NKAIN3: variants seen among roughly 807,000 people sequenced by gnomAD.
NKAIN3 encodes the protein sodium/potassium transporting ATPase interacting 3.
Under a neutral mutation model 30.2 loss-of-function variants are expected in NKAIN3, and 25 were observed. That is an observed-to-expected ratio of 0.83 (90% CI 0.60 to 1.16). The LOEUF is 1.16. NKAIN3 is among the 50% of genes most tolerant of loss of function. The probability of loss-of-function intolerance (pLI) is 0.00; values close to 1 mark genes in which losing one functional copy is unlikely to be tolerated. For missense variants in NKAIN3, 225 were observed against 254.1 expected (o/e 0.89, Z 0.78); for synonymous variants, 91 against 89.6 (o/e 1.02, Z -0.09).
intron 4 of NKAIN3, among the ~76,000 whole-genome samples, chr8:62,765,843 C>T (rs1437337192): frequency 2.0e-5 from 3 of 151,708 alleles, no homozygotes; most frequent in Non-Finnish European, 1.5e-5. Context: ...TTTTATATTC[C>T]ACTTCAGTAC....
intron 1 of NKAIN3, among the ~76,000 whole-genome samples, chr8:62,353,744 G>A (rs752042595): frequency 1.2e-4 from 18 of 152,022 alleles, no homozygotes; most frequent in Non-Finnish European, 2.2e-4. Flanking sequence ...AGAATTTTTT[G>A]TCAAATGTGA....
intron 4 of NKAIN3, among the ~76,000 whole-genome samples, chr8:62,890,325 C>A (rs1821265042): frequency 6.6e-6 from 1 of 152,174 alleles, no homozygotes; most frequent in South Asian, 2.1e-4. Flanking sequence ...ATAGCTCTGT[C>A]TTTGTTTGTA....
In NKAIN3 at chr8:62,927,564, A is replaced by T. The variant is rs75552585; in HGVS notation, c.532+9051A>T. ...CACTGATTTGATCTTTGCAAATTAT[A>T]GGCATGTATTAAATTATCACATGTG... On this transcript the variant is annotated intron_variant, in intron 5 of 6. Transcript: ENST00000623646. Among the ~76,000 whole-genome samples the T allele has an allele frequency of 4.9e-3, 748 of 152,324 alleles. 9 individuals carry two copies. Among genetic ancestry groups the T allele is most frequent in the African/African-American group, 0.015 (635 of 41,574 alleles).
At chr8:62,616,417 T>C (rs1338259381) in intron 3 of NKAIN3, among the ~76,000 whole-genome samples, 1 of 152,122 alleles carries the variant, frequency 6.6e-6, no homozygotes, top group Admixed American at 6.5e-5. Context: ...AGCACTTTGC[T>C]AAAGATTACT....
rs1317282077 is a variant in NKAIN3, at chr8:62,729,040, C to CAAAAAAAAAAAAAAAAAAA, written c.274-17880_274-17879insAAAAAAAAAAAAAAAAAAA. Among the ~76,000 whole-genome samples, 12 of 61,186 alleles carry CAAAAAAAAAAAAAAAAAAA rather than the reference C, an allele frequency of 2.0e-4. 1 individual carries two copies. Among genetic ancestry groups the CAAAAAAAAAAAAAAAAAAA allele is most frequent in the Non-Finnish European group, 2.7e-4 (9 of 33,590 alleles). The allele number at this position is 61,186 out of a possible 152,430, so 40.1% of individuals were successfully genotyped here. ...CAAACAAACCAAAAAAAAAAAAAAACAAAAAAAAAAAACCTCCTGCTCTGC... is the reference window on the plus strand; with the variant it reads ...CAAACAAACCAAAAAAAAAAAAAAACAAAAAAAAAAAAAAAAAAAAAAAAAAAAAAACCTCCTGCTCTGC... On this transcript the variant is annotated intron_variant, in intron 3 of 6. Coordinates refer to ENST00000623646, the MANE Select transcript of NKAIN3 (RefSeq NM_001304533.3).
At chr8:62,932,611 A>C (rs1309905078) in intron 5 of NKAIN3, among the ~76,000 whole-genome samples, 5 of 152,256 alleles carry the variant, frequency 3.3e-5, no homozygotes, top group Admixed American at 1.3e-4. Flanking sequence ...TCAGGAAGTC[A>C]TAAGTTACTG....
chr8:62,957,193 G>T (rs906866311), intron 6 of NKAIN3, among the ~76,000 whole-genome samples: 3 of 151,948 alleles, frequency 2.0e-5, no homozygotes, highest in African/African-American at 7.3e-5. Flanking sequence ...GAGTGCAGTG[G>T]CACTATCTCG....
intron 3 of NKAIN3, among the ~76,000 whole-genome samples, chr8:62,668,925 A>G (rs1455962627): frequency 6.6e-6 from 1 of 152,202 alleles, no homozygotes; most frequent in Non-Finnish European, 1.5e-5. Flanking sequence ...AAGTAAATCA[A>G]TAGCACTTAT....
intron 1 of NKAIN3, among the ~76,000 whole-genome samples, chr8:62,565,340 A>G (rs1471333000): frequency 6.7e-6 from 1 of 148,720 alleles, no homozygotes; most frequent in Admixed American, 6.9e-5. Flanking sequence ...GTATGTGCAT[A>G]TGTATACATG....
intron 2 of NKAIN3, among the ~76,000 whole-genome samples, chr8:62,582,246 GATATTT>G (rs1810327881): frequency 1.3e-5 from 2 of 150,632 alleles, no homozygotes; most frequent in Non-Finnish European, 2.9e-5. Context: ...TAATTCAAGA[GATATTT>G]ATTGAGCTTC....
chr8:62,918,542 G>A, intron 5 of NKAIN3, 29 bp downstream of exon 5: 1 of 1,519,484 alleles, frequency 6.6e-7, no homozygotes, highest in Middle Eastern at 1.7e-4. Flanking sequence ...CTCCCTGTGG[G>A]TTCCTTTTGA....
intron 1 of NKAIN3, among the ~76,000 whole-genome samples, chr8:62,366,241 T>A (rs1244254781): frequency 4.6e-5 from 5 of 109,072 alleles, no homozygotes; most frequent in East Asian, 2.7e-4. Context: ...TTTTTTTTTT[T>A]ATTGAGGTGG....
intron 4 of NKAIN3, among the ~76,000 whole-genome samples, chr8:62,913,861 A>G (rs908834073): frequency 6.6e-6 from 1 of 152,238 alleles, no homozygotes; most frequent in Non-Finnish European, 1.5e-5. Flanking sequence ...TGTGCTATTT[A>G]AAATAATTAC....
chr8:62,727,953 T>G (rs916989298), intron 3 of NKAIN3, among the ~76,000 whole-genome samples: 7 of 152,220 alleles, frequency 4.6e-5, no homozygotes, highest in Non-Finnish European at 7.3e-5. Context: ...ACTGACATAA[T>G]CTTTGCAAAA....
intron 3 of NKAIN3, among the ~76,000 whole-genome samples, chr8:62,741,854 A>G (rs1815906176): frequency 6.6e-6 from 1 of 152,096 alleles, no homozygotes; most frequent in South Asian, 2.1e-4. Flanking sequence ...TAAAGGTAAA[A>G]TTGTGCCTTC....
chr8:62,319,191 AT>A (rs1370504172), intron 1 of NKAIN3, among the ~76,000 whole-genome samples: 3 of 151,986 alleles, frequency 2.0e-5, no homozygotes, highest in Non-Finnish European at 1.5e-5. Flanking sequence ...CCCCTTTATC[AT>A]TTTTTATTGC....
At chr8:62,318,462 A>T (rs1198113505) in intron 1 of NKAIN3, among the ~76,000 whole-genome samples, 4 of 152,184 alleles carry the variant, frequency 2.6e-5, no homozygotes, top group Non-Finnish European at 5.9e-5. Context: ...TTATTTTGAG[A>T]TACATCCCAT....
intron 5 of NKAIN3, among the ~76,000 whole-genome samples, chr8:62,938,296 A>T (rs1253341741): frequency 1.3e-5 from 2 of 152,014 alleles, no homozygotes; most frequent in Non-Finnish European, 2.9e-5. Flanking sequence ...AACCAACTCA[A>T]ACCATAAAAG....
intron 1 of NKAIN3, among the ~76,000 whole-genome samples, chr8:62,464,230 TA>T (rs1258860461): frequency 6.6e-6 from 1 of 152,178 alleles, no homozygotes; most frequent in Non-Finnish European, 1.5e-5. Flanking sequence ...AAGGTTTCTC[TA>T]AAAATCAATA....
Sources: allele counts gnomAD v4.1 joint callset (sites outside exome capture counted in the v4.1 genomes callset), GRCh38; gene constraint gnomAD v4.1.1; transcripts MANE v1.5; gene names NCBI Gene and HGNC (gene_info 2026-07-23, HGNC 2026-07-21).